Variants in SRGAP3 observed in about 807,000 individuals in gnomAD.
SRGAP3 encodes the protein SLIT-ROBO Rho GTPase activating protein 3.
SRGAP3 carries 39 observed loss-of-function variants against 121.1 expected under a neutral mutation model. The observed-to-expected ratio is 0.32, with a 90% confidence interval of 0.25 to 0.42. The LOEUF is 0.42. Among genes scored for constraint, SRGAP3 ranks in the 10% least tolerant of loss-of-function variants. SRGAP3 has a pLI of 1.00. For synonymous variants in SRGAP3, 601 were observed against 570.0 expected, an observed-to-expected ratio of 1.05 and a Z score of -0.77; for missense variants, 1,213 against 1,470.6, an observed-to-expected ratio of 0.82 and a Z score of 2.86.
intron 11 of SRGAP3, chr3:9,034,980 G>A: frequency 6.6e-6 from 1 of 152,168 alleles, no homozygotes; most frequent in East Asian, 1.9e-4. Flanking sequence ...ACCCTGTGAG[G>A]CTGGGAAAGA....
At chr3:9,056,390 GAGCT>G in intron 7 of SRGAP3, 56 bp from the exon 8 acceptor site, 1 of 1,574,762 alleles carries the variant, frequency 6.4e-7, no homozygotes, top group Non-Finnish European at 8.7e-7. Flanking sequence ...CACCTGTGTG[GAGCT>G]AGGGCAGGGG....
At chr3:9,093,025 G>A (rs1449392591) in intron 3 of SRGAP3, among the ~76,000 whole-genome samples, 2 of 152,138 alleles carry the variant, frequency 1.3e-5, no homozygotes, top group East Asian at 3.9e-4. Flanking sequence ...AGGGTAAGAT[G>A]AGAGCCTGCA....
intron 4 of SRGAP3, among the ~76,000 whole-genome samples, chr3:9,071,984 G>A (rs1378626840): frequency 1.3e-5 from 2 of 152,164 alleles, no homozygotes; most frequent in Non-Finnish European, 2.9e-5. Context: ...TGAGCTACAT[G>A]TTCATGTGAT....
At chr3:9,244,138 C>A (rs577825625) in intron 1 of SRGAP3, among the ~76,000 whole-genome samples, 1 of 152,154 alleles carries the variant, frequency 6.6e-6, no homozygotes, top group African/African-American at 2.4e-5. Context: ...GCATGATATA[C>A]GCTCTAAGAT....
At chr3:9,192,506 A>G (rs1319943322) in intron 1 of SRGAP3, 1 of 152,092 alleles carries the variant, frequency 6.6e-6, no homozygotes, top group African/African-American at 2.4e-5. Context: ...TTTCCCTGCT[A>G]TGTTTTGTCA....
intron 2 of SRGAP3, among the ~76,000 whole-genome samples, chr3:9,119,575 T>G (rs545357881): frequency 1.3e-5 from 2 of 152,264 alleles, no homozygotes; most frequent in East Asian, 3.9e-4. Context: ...CCTTTGACAC[T>G]CCTCCAATGA....
chr3:9,044,336 C>CT lies in SRGAP3; in HGVS notation c.1408+3054dup, dbSNP rs1286045775. Among the ~76,000 whole-genome samples, 5 of 152,304 alleles carry CT rather than the reference C, an allele frequency of 3.3e-5. No homozygotes were observed. In the East Asian group the frequency reaches 7.7e-4, roughly 23 times the overall value. On this transcript the variant is annotated intron_variant, in intron 10 of 21. Transcript: ENST00000383836. ...TTCAATCTGATAACCAAGGCAGCTACTAAGTGGCCAGTGGGCGGGTACCAT... is the reference window on the plus strand; with the variant it reads ...TTCAATCTGATAACCAAGGCAGCTACTTAAGTGGCCAGTGGGCGGGTACCAT...
chr3:8,984,608 C>T lies in SRGAP3; in HGVS notation c.*911G>A, dbSNP rs11717363. 22,513 of 232,196 alleles carry T rather than the reference C, an allele frequency of 0.097. 1,201 individuals are homozygous for T. The highest frequency in any genetic ancestry group is 0.13 in the South Asian group (740 of 5,510). 14.4% of individuals were successfully genotyped at this position (232,196 alleles called of 1,614,324 possible). On this transcript the variant is annotated 3_prime_UTR_variant, in exon 22 of 22. Coordinates refer to ENST00000383836, the MANE Select transcript of SRGAP3 (RefSeq NM_014850.4). Reference sequence around the variant, plus strand: ...TGGGGCTTAGGTTCTCACTATCCCCCGTCTCTACACACAAACACAAGGATG... The same window carrying T: ...TGGGGCTTAGGTTCTCACTATCCCCTGTCTCTACACACAAACACAAGGATG...
At position 9,220,728 on chromosome 3, in the gene SRGAP3, G is replaced by A. The variant is rs377253771; in HGVS notation, c.67+28157C>T. Reference sequence around the variant, plus strand: ...AGGCATTTAAGGCATCTGTCCCAATGCAAATGTCACTAAAATTGGGTAGCA... The same window carrying A: ...AGGCATTTAAGGCATCTGTCCCAATACAAATGTCACTAAAATTGGGTAGCA... On this transcript the variant is annotated intron_variant, in intron 1 of 21. Coordinates refer to ENST00000383836, the MANE Select transcript of SRGAP3 (RefSeq NM_014850.4). 2.0e-4 allele frequency among the ~76,000 whole-genome samples: 31 copies of A among 152,274 alleles called. No individual in the cohort carries two copies. In the East Asian group the frequency reaches 5.2e-3, roughly 26 times the overall value.
At chr3:9,177,892 A>T (rs901950245) in intron 1 of SRGAP3, among the ~76,000 whole-genome samples, 4 of 152,190 alleles carry the variant, frequency 2.6e-5, no homozygotes, top group Non-Finnish European at 5.9e-5. Context: ...ACAACCAAGC[A>T]GGACCAGCAA....
intron 3 of SRGAP3, among the ~76,000 whole-genome samples, chr3:9,315,549 G>A (rs532415670): frequency 1.2e-4 from 19 of 152,300 alleles, no homozygotes; most frequent in Admixed American, 3.3e-4. Context: ...CTGGGGATGG[G>A]AGACAATAAC....
intron 1 of SRGAP3, among the ~76,000 whole-genome samples, chr3:9,131,433 C>CTTTTTTT (rs869155697): frequency 3.4e-4 from 31 of 90,210 alleles, no homozygotes; most frequent in South Asian, 9.2e-4. Flanking sequence ...AGATCTAATT[C>CTTTTTTT]TTTTTTTTTT....
At chr3:9,103,498 G>C (rs1012044375) in intron 3 of SRGAP3, among the ~76,000 whole-genome samples, 3 of 152,160 alleles carry the variant, frequency 2.0e-5, no homozygotes, top group African/African-American at 7.2e-5. Context: ...GAGGCACAGA[G>C]CATTGAAGTA....
intron 1 of SRGAP3, among the ~76,000 whole-genome samples, chr3:9,173,433 A>G (rs1268028102): frequency 6.6e-6 from 1 of 152,242 alleles, no homozygotes; most frequent in African/African-American, 2.4e-5. Context: ...AGGCGCAAAC[A>G]TAAAATAAAA....
chr3:9,343,289 G>C (rs146151838), intron 1 of SRGAP3, among the ~76,000 whole-genome samples: 25 of 152,276 alleles, frequency 1.6e-4, no homozygotes, highest in African/African-American at 5.8e-4. Context: ...TTATTGACTT[G>C]AAGGTGTGGT....
chr3:9,203,416 C>A (rs1315989877), intron 1 of SRGAP3, among the ~76,000 whole-genome samples: 1 of 152,232 alleles, frequency 6.6e-6, no homozygotes. Context: ...TGAGAGTTCA[C>A]AGACATTTAC....
At chr3:9,071,552 T>C (rs1427828771) in intron 4 of SRGAP3, among the ~76,000 whole-genome samples, 2 of 152,008 alleles carry the variant, frequency 1.3e-5, no homozygotes, top group Admixed American at 1.3e-4. Flanking sequence ...GGGACCATTT[T>C]TGTCACCACA....
Position 8,985,593 on chromosome 3 carries a change from C to A in SRGAP3, c.3226G>T (p.Val1076Leu), listed in dbSNP as rs766750795. 3.8e-6 allele frequency: 6 copies of A among 1,597,536 alleles called. No homozygotes were observed. The highest frequency in any genetic ancestry group is 4.2e-6 in the Non-Finnish European group (5 of 1,179,138). ...GTGGGCGTCACGGCCGGGCTGCCCACGCCCGAGCTGCTGCTGCTGCTGGAC... is the reference window on the plus strand; with the variant it reads ...GTGGGCGTCACGGCCGGGCTGCCCAAGCCCGAGCTGCTGCTGCTGCTGGAC... ...HRSSSSSSSG[V>L]GSPAVTPTEK... Residue 1076 changes from valine (V) to leucine (L), a missense_variant, in exon 22 of 22, where the codon GTG becomes TTG. Around this residue, in one of 2 missense-constraint regions of SRGAP3, gnomAD observed 420 missense variants for 437.7 expected, o/e 0.96. Coordinates refer to ENST00000383836, the MANE Select transcript of SRGAP3 (RefSeq NM_014850.4). This position sits in a 1 kb window ranked among gnomAD's most constrained non-coding sequence, Gnocchi z 5.1.
chr3:9,148,408 T>C (rs538459225), intron 1 of SRGAP3, among the ~76,000 whole-genome samples: 3 of 152,276 alleles, frequency 2.0e-5, no homozygotes, highest in East Asian at 1.9e-4. Flanking sequence ...TGTTTGTCAT[T>C]TTCTTGGACT....
Sources: allele counts gnomAD v4.1 joint callset (sites outside exome capture counted in the v4.1 genomes callset), GRCh38; gene constraint gnomAD v4.1.1; regional missense constraint gnomAD v4.1.1; non-coding constraint Gnocchi (gnomAD v3.1); transcripts MANE v1.5; gene names NCBI Gene and HGNC (gene_info 2026-07-23, HGNC 2026-07-21).